Variants in RTKN observed in about 807,000 individuals in gnomAD.
The protein encoded by RTKN is rhotekin.
In RTKN, 49 loss-of-function variants were observed where a neutral mutation model predicts 63.5. The observed-to-expected ratio is 0.77, with a 90% CI of 0.61 to 0.98. The LOEUF (loss-of-function observed/expected upper bound fraction) is 0.98. Ranked by LOEUF, RTKN falls within the 50% of genes least tolerant of loss-of-function variation. The probability of loss-of-function intolerance (pLI) is 0.00; values close to 1 mark genes in which losing one functional copy is unlikely to be tolerated. For synonymous variants in RTKN, 295 were observed against 290.4 expected (o/e 1.02, Z -0.16); for missense variants, 685 against 740.8 (o/e 0.92, Z 0.87).
chr2:74,428,760 G>A (rs761183179), intron 7 of RTKN, 23 bp from the exon 8 acceptor site: 12 of 1,610,462 alleles, frequency 7.5e-6, no homozygotes, highest in Admixed American at 1.7e-5. Flanking sequence ...GAAGTGCAGG[G>A]TGAGGTAGGG....
Position 74,440,833 on chromosome 2 carries a change from G to A in RTKN, c.111+873C>T, listed in dbSNP as rs7602617. Among the ~76,000 whole-genome samples the A allele has an allele frequency of 7.5e-3, 1,136 of 152,390 alleles. 11 individuals are homozygous for A. The highest frequency in any genetic ancestry group is 0.025 in the African/African-American group (1,049 of 41,600). On this transcript the variant is annotated intron_variant, in intron 1 of 11. Coordinates refer to ENST00000272430, the MANE Select transcript of RTKN (RefSeq NM_001015055.2). ...CTGGGCAGGCTGGAGGGAAAGGGCAGAAGCCAGGCCTGGAATCCCAGCCGG... is the reference window on the plus strand; with the variant it reads ...CTGGGCAGGCTGGAGGGAAAGGGCAAAAGCCAGGCCTGGAATCCCAGCCGG...
chr2:74,435,545 C>G (rs1029502470), intron 1 of RTKN, among the ~76,000 whole-genome samples: 1 of 152,142 alleles, frequency 6.6e-6, no homozygotes, highest in East Asian at 1.9e-4. Flanking sequence ...AATGGCTGCT[C>G]CATAAGTGCC....
chr2:74,431,457 T>G (rs539316162), intron 2 of RTKN, among the ~76,000 whole-genome samples: 1 of 152,114 alleles, frequency 6.6e-6, no homozygotes, highest in Non-Finnish European at 1.5e-5. Flanking sequence ...ATTACTGACT[T>G]AGTAGAGCCT....
chr2:74,426,156 T>C lies in RTKN; in HGVS notation c.*87A>G. On this transcript the variant is annotated 3_prime_UTR_variant, in exon 12 of 12. Coordinates refer to ENST00000272430, the MANE Select transcript of RTKN (RefSeq NM_001015055.2). ...GGAACAGGAGGCCAGACTGGCCAAC[T>C]TGCTATAGACAGCGCCGTATCCAGA... 6.4e-6 allele frequency: 8 copies of C among 1,245,918 alleles called. No individual in the cohort carries two copies. The highest frequency in any genetic ancestry group is 8.0e-6 in the Non-Finnish European group (7 of 875,650). The allele number at this position is 1,245,918 out of a possible 1,614,324, so 77.2% of individuals were successfully genotyped here. A position where few individuals can be genotyped will look rare whatever the true frequency, so the allele number is the denominator to read the frequency against.
chr2:74,440,180 C>A, intron 1 of RTKN: 1 of 409,848 alleles, frequency 2.4e-6, no homozygotes, highest in Non-Finnish European at 3.3e-6. Flanking sequence ...GAGAGGGGTT[C>A]CAGCTTAGTT....
chr2:74,437,785 G>A (rs1039895089), intron 1 of RTKN, among the ~76,000 whole-genome samples: 1 of 152,198 alleles, frequency 6.6e-6, no homozygotes, highest in South Asian at 2.1e-4. Context: ...AGGATAATTA[G>A]GTAGAGTCCC....
At chr2:74,430,131 GAGA>G in intron 5 of RTKN, 94 bp from the exon 6 acceptor site, 9 of 1,520,640 alleles carry the variant, frequency 5.9e-6, no homozygotes, top group Non-Finnish European at 8.2e-6. Flanking sequence ...CAGCTCCACA[GAGA>G]AGGCCAGGTG....
At chr2:74,430,592 A>C in intron 3 of RTKN, 24 bp downstream of exon 3, 1 of 1,614,150 alleles carries the variant, frequency 6.2e-7, no homozygotes, top group Non-Finnish European at 8.5e-7. Flanking sequence ...GGGTACCAGC[A>C]GCTGGGGTAG....
rs1253071984 is a variant in RTKN, at chr2:74,427,125, C to T, written c.1360+44G>A. ...CTGGTTTCTCTTGAAGTCCCCAACC[C>T]TACTTCCCATTAGCTTCCTGGAGTT... On this transcript the variant is annotated intron_variant, in intron 11 of 11. Transcript: ENST00000272430. 4.4e-6 allele frequency: 7 copies of T among 1,584,532 alleles called. No homozygotes were observed. In the Admixed American group the frequency reaches 6.7e-5, roughly 15 times the overall value.
At position 74,427,577 on chromosome 2, in the gene RTKN, C is replaced by G; in HGVS notation, c.1102G>C (p.Ala368Pro). 1 of 1,612,522 alleles carries G rather than the reference C, an allele frequency of 6.2e-7. No homozygotes were observed. Among genetic ancestry groups the G allele is most frequent in the Non-Finnish European group, 8.5e-7 (1 of 1,179,798 alleles). ...CCTAGAGCCTGGTCCAGCTCCCCTGCCCGGACTCGAGTCTCCTGCAGGAGA... is the reference window on the plus strand; with the variant it reads ...CCTAGAGCCTGGTCCAGCTCCCCTGGCCGGACTCGAGTCTCCTGCAGGAGA... ...IAVNKETRVR[A>P]GELDQALGRP... The change falls in exon 10 of 12, where the codon GCA becomes CCA. Residue 368 changes from alanine to proline, a missense_variant. Ala to Pro is a conservative substitution (Grantham distance 27, BLOSUM62 -1). Coordinates refer to ENST00000272430, the MANE Select transcript of RTKN (RefSeq NM_001015055.2).
Position 74,428,729 on chromosome 2 carries a change from G to A in RTKN, c.859C>T (p.Pro287Ser). 1.2e-6 allele frequency: 2 copies of A among 1,613,812 alleles called. No individual in the cohort carries two copies. Among genetic ancestry groups the A allele is most frequent in the Non-Finnish European group, 1.7e-6 (2 of 1,179,864 alleles). ...DLTLASHEEN[P>S]AWLPLYGSVC... The stretch of plus-strand genomic sequence containing the variant: ...CTACCATAAAGGGGCAGCCAGGCAG[G>A]GTTCTCCTCTGGGGGAGGAGGAAGT... Residue 287 changes from proline to serine, a missense_variant, in exon 8 of 12, where the codon CCT (proline) becomes TCT (serine). Pro to Ser is a moderately conservative substitution (Grantham distance 74). Transcript: ENST00000272430.
chr2:74,434,683 G>A (rs887582908), intron 1 of RTKN, among the ~76,000 whole-genome samples: 22 of 152,132 alleles, frequency 1.4e-4, no homozygotes, highest in African/African-American at 5.1e-4. Context: ...CCCAAAGTGC[G>A]GGATTACAGG....
chr2:74,427,646 A>C, intron 9 of RTKN, 54 bp from the exon 10 acceptor site: 1 of 1,574,016 alleles, frequency 6.4e-7, no homozygotes, highest in South Asian at 1.2e-5. Flanking sequence ...AGTGACAATC[A>C]GGCAGCCTTG....
intron 1 of RTKN, among the ~76,000 whole-genome samples, chr2:74,439,302 TTA>T (rs1671220826): frequency 6.6e-6 from 1 of 152,118 alleles, no homozygotes; most frequent in Non-Finnish European, 1.5e-5. Flanking sequence ...GAACAGACAT[TTA>T]CACTCACCCA....
At chr2:74,430,743 C>A (rs780017999) in intron 2 of RTKN, 66 bp from the exon 3 acceptor site, 88 of 1,487,986 alleles carry the variant, frequency 5.9e-5, no homozygotes, top group Non-Finnish European at 7.6e-5. Context: ...CTGGTCCCAA[C>A]GACTCTAGGA....
At chr2:74,426,793 G>A in intron 11 of RTKN, 1 of 1,355,220 alleles carries the variant, frequency 7.4e-7, no homozygotes, top group Non-Finnish European at 9.4e-7. Context: ...AGATGGGGAT[G>A]GGAAGGGGAG....
rs1291093910 is a variant in RTKN at position 74,427,168 on chromosome 2, C to T, written c.1360+1G>A. 4 of 1,612,622 alleles carry T rather than the reference C, an allele frequency of 2.5e-6. No homozygotes were observed. The highest frequency in any genetic ancestry group is 2.5e-6 in the Non-Finnish European group (3 of 1,178,828). On this transcript the variant is annotated splice_donor_variant, in intron 11 of 11. Coordinates refer to ENST00000272430, the MANE Select transcript of RTKN (RefSeq NM_001015055.2). LOFTEE classifies it high-confidence loss of function. ...CTGGAGTTCACATTCCTCTCACTTA[C>T]CCATCTCATGGTACAAGGACCCCTG...
At chr2:74,434,317 G>A (rs563836016) in intron 1 of RTKN, among the ~76,000 whole-genome samples, 1 of 138,752 alleles carries the variant, frequency 7.2e-6, no homozygotes, top group African/African-American at 2.7e-5. Context: ...GTCTTACTCT[G>A]TTGCCCAGGC....
intron 6 of RTKN, 139 bp downstream of exon 6, chr2:74,429,689 C>T (rs569000574): frequency 7.5e-6 from 6 of 804,298 alleles, no homozygotes; most frequent in Admixed American, 2.5e-5. Context: ...CTCCCAGCTA[C>T]GTGGCCACTG....
Sources: gnomAD v4.1 joint callset for allele counts (sites outside exome capture counted in the v4.1 genomes callset) on GRCh38, gnomAD v4.1.1 for gene constraint, MANE v1.5 for transcripts, NCBI Gene and HGNC (gene_info 2026-07-23, HGNC 2026-07-21) for gene names.